Variants in DGKG observed in about 807,000 individuals in gnomAD.
DGKG encodes the protein DAG kinase gamma.
A neutral mutation model predicts 105.3 loss-of-function variants in DGKG; 78 were observed. That is an observed-to-expected ratio of 0.74 (90% CI 0.62 to 0.89). DGKG has a LOEUF of 0.89. Among genes scored for constraint, DGKG ranks in the 40% least tolerant of loss-of-function variants. The pLI is 0.00. For synonymous variants in DGKG, 346 were observed against 367.1 expected (o/e 0.94, Z 0.66); for missense variants, 958 against 1,020.1 (o/e 0.94, Z 0.83).
chr3:186,154,018 G>A (rs1265447202), intron 24 of DGKG, among the ~76,000 whole-genome samples: 1 of 152,156 alleles, frequency 6.6e-6, no homozygotes, highest in African/African-American at 2.4e-5. Flanking sequence ...GATCGCTTGA[G>A]CCTGGGAGGT....
chr3:186,313,632 A>T, intron 2 of DGKG: 1 of 411,112 alleles, frequency 2.4e-6, no homozygotes, highest in Non-Finnish European at 3.3e-6. Flanking sequence ...TCTCAGCAGT[A>T]CCCCAGACCT....
chr3:186,267,803 T>C, intron 12 of DGKG, 26 bp from the exon 13 acceptor site: 1 of 1,596,302 alleles, frequency 6.3e-7, no homozygotes. Context: ...AAAAAGAGAG[T>C]GAGTGAAAGT....
In DGKG at chr3:186,242,553, G is replaced by A. The variant is rs1720739258; in HGVS notation, c.1777C>T (p.His593Tyr). 3 of 1,613,596 alleles carry A rather than the reference G, an allele frequency of 1.9e-6. No individual in the cohort carries two copies. The change falls in exon 20 of 25, where the codon CAC (histidine) becomes TAC (tyrosine). Residue 593 changes from histidine (H) to tyrosine (Y), a missense_variant. By Grantham distance (83) the His-to-Tyr change is moderately conservative. Transcript: ENST00000265022. ...TTCTCTCTCATCACATGGAATCTGT[G>A]TGCAATGGAAGCGTCCTGAAAGTGA... is the stretch of plus-strand genomic sequence containing the variant. ...FSIGVDASIA[H>Y]RFHVMREKHP... is the part of the protein sequence containing the mutation.
intron 20 of DGKG, among the ~76,000 whole-genome samples, chr3:186,218,204 T>C (rs1719390079): frequency 6.6e-6 from 1 of 152,062 alleles, no homozygotes; most frequent in Non-Finnish European, 1.5e-5. Context: ...ATTCCTCATC[T>C]TAAAAATGAA....
At chr3:186,157,597 T>C (rs921030468) in intron 24 of DGKG, among the ~76,000 whole-genome samples, 10 of 152,236 alleles carry the variant, frequency 6.6e-5, no homozygotes, top group African/African-American at 2.4e-4. Flanking sequence ...TCATTTAGTA[T>C]GTAATTCTTT....
intron 18 of DGKG, among the ~76,000 whole-genome samples, chr3:186,252,800 A>G (rs1721287295): frequency 6.6e-6 from 1 of 152,134 alleles, no homozygotes. Flanking sequence ...TTTACCCTAC[A>G]GTTGATTGCT....
chr3:186,324,104 CAAAA>C (rs561960985), intron 1 of DGKG, among the ~76,000 whole-genome samples: 1 of 58,370 alleles, frequency 1.7e-5, no homozygotes. Flanking sequence ...GAGAGTCTGT[CAAAA>C]AAAAAAAAAA....
At chr3:186,162,675 G>A (rs1348218539) in intron 23 of DGKG, among the ~76,000 whole-genome samples, 3 of 151,696 alleles carry the variant, frequency 2.0e-5, no homozygotes, top group Non-Finnish European at 4.4e-5. Flanking sequence ...GAGTAACTGG[G>A]ACTATAGGTG....
At chr3:186,161,260 T>G in intron 24 of DGKG, 1 of 1,056,538 alleles carries the variant, frequency 9.5e-7, no homozygotes. Context: ...CCTTTTGAGG[T>G]AGTAAATTCC....
At chr3:186,327,204 T>C (rs990152930) in intron 1 of DGKG, among the ~76,000 whole-genome samples, 3 of 151,962 alleles carry the variant, frequency 2.0e-5, no homozygotes, top group Non-Finnish European at 4.4e-5. Flanking sequence ...CAGAGAAGTA[T>C]CCCTCATTCC....
intron 22 of DGKG, among the ~76,000 whole-genome samples, chr3:186,173,700 C>T (rs767350975): frequency 8.5e-5 from 13 of 152,180 alleles, no homozygotes; most frequent in Admixed American, 3.9e-4. Flanking sequence ...CTGCTCCTGG[C>T]GAAAGAGCTT....
chr3:186,164,853 G>A (rs369515469), intron 23 of DGKG, 45 bp downstream of exon 23: 104 of 1,579,452 alleles, frequency 6.6e-5, no homozygotes, highest in African/African-American at 1.5e-4. Flanking sequence ...GAATGTGTAC[G>A]CAGGCGGGGA....
intron 8 of DGKG, 30 bp downstream of exon 8, chr3:186,280,640 C>T (rs1357240312): frequency 1.1e-4 from 181 of 1,594,186 alleles, no homozygotes; most frequent in Non-Finnish European, 1.5e-4. Context: ...AAGCTCACTC[C>T]AAAGCCACCC....
intron 22 of DGKG, among the ~76,000 whole-genome samples, chr3:186,166,630 T>TG (rs1209456754): frequency 3.8e-5 from 1 of 26,322 alleles, no homozygotes; most frequent in Non-Finnish European, 1.0e-4. Context: ...GCTATAAATG[T>TG]GTGTGTGTGT....
chr3:186,302,212 T>C (rs915198775), intron 3 of DGKG, among the ~76,000 whole-genome samples: 2 of 152,052 alleles, frequency 1.3e-5, no homozygotes, highest in Non-Finnish European at 2.9e-5. Flanking sequence ...CCAGAGCTCC[T>C]GGAAGTAGTG....
At chr3:186,234,845 C>T (rs774362832) in intron 20 of DGKG, among the ~76,000 whole-genome samples, 8 of 152,110 alleles carry the variant, frequency 5.3e-5, no homozygotes, top group East Asian at 1.9e-4. Flanking sequence ...TAAAATACTA[C>T]GAATGTTAGG....
At position 186,268,786 on chromosome 3, in the gene DGKG, TG is replaced by T; in HGVS notation, c.1116+14del. The T allele has an allele frequency of 6.3e-7, 1 of 1,590,744 alleles. No individual in the cohort carries two copies. The highest frequency in any genetic ancestry group is 1.1e-5 in the South Asian group (1 of 90,602). On this transcript the variant is annotated intron_variant, in intron 12 of 24. Transcript: ENST00000265022. Reference sequence around the variant, plus strand: ...ACGTTGAAAAGAAGCAGGGCCGCCCTGGGCGCCAACCCACCGTCATCCGGCA... The same window carrying T: ...ACGTTGAAAAGAAGCAGGGCCGCCCTGGCGCCAACCCACCGTCATCCGGCA...
chr3:186,335,943 T>C (rs1725813454), intron 1 of DGKG, among the ~76,000 whole-genome samples: 1 of 152,210 alleles, frequency 6.6e-6, no homozygotes, highest in Non-Finnish European at 1.5e-5. Flanking sequence ...AAACTATACA[T>C]ATTTGTAGTA....
chr3:186,176,204 T>A (rs940282286), intron 22 of DGKG, among the ~76,000 whole-genome samples: 4 of 152,220 alleles, frequency 2.6e-5, no homozygotes, highest in African/African-American at 7.2e-5. Flanking sequence ...TGGTATATTA[T>A]CTGGCATTAC....
Sources: allele counts gnomAD v4.1 joint callset (sites outside exome capture counted in the v4.1 genomes callset), GRCh38; gene constraint gnomAD v4.1.1; transcripts MANE v1.5; gene names NCBI Gene and HGNC (gene_info 2026-07-23, HGNC 2026-07-21).